The following AGFG1 variants were observed in gnomAD, a reference collection of about 807,000 sequenced individuals.
The protein encoded by AGFG1 is ArfGAP with FG repeats 1, also known as arf-GAP domain and FG repeat-containing protein 1.
A neutral mutation model predicts 60.6 loss-of-function variants in AGFG1; 10 were observed. The ratio of observed to expected loss-of-function variants is 0.16; its 90% CI spans 0.10 to 0.28. The LOEUF is 0.28. AGFG1 is among the 10% of genes least tolerant of loss of function. The pLI is 1.00. For missense variants in AGFG1, 537 were observed against 676.5 expected (o/e 0.79, Z 2.29); for synonymous variants, 247 against 242.9 (o/e 1.02, Z -0.16).
chr2:227,519,682 A>T (rs1445433398), intron 2 of AGFG1, among the ~76,000 whole-genome samples: 2 of 152,194 alleles, frequency 1.3e-5, no homozygotes, highest in Non-Finnish European at 2.9e-5. Flanking sequence ...GTTTATGATT[A>T]TGCCAAGACT....
chr2:227,478,965 TTAAAC>T lies in AGFG1; in HGVS notation c.167+6380_167+6384del, dbSNP rs552657858. On this transcript the variant is annotated intron_variant, in intron 1 of 12. Transcript: ENST00000310078. The stretch of plus-strand genomic sequence containing the variant: ...TGCCATTGTTTTACATGACATTCAC[TTAAAC>T]TATATACTTACCAAGTACTGTACCA... Among the ~76,000 whole-genome samples, 93 of 152,330 alleles carry T rather than the reference TTAAAC, an allele frequency of 6.1e-4. No homozygotes were observed. The South Asian group carries it at 0.019, about 31-fold the overall frequency.
At chr2:227,475,812 T>A (rs2106149218) in intron 1 of AGFG1, among the ~76,000 whole-genome samples, 1 of 152,326 alleles carries the variant, frequency 6.6e-6, no homozygotes, top group African/African-American at 2.4e-5. Context: ...TGTATTTACT[T>A]ATTGAGCACA....
rs540423565 is a variant in AGFG1, at chr2:227,546,034, C to A, written c.1379-5925C>A. 2.0e-5 allele frequency among the ~76,000 whole-genome samples: 3 copies of A among 152,172 alleles called. No individual in the cohort carries two copies. In the East Asian group the frequency reaches 5.8e-4, roughly 29 times the overall value. ...TCTCTACAAAGCTGTCAGACAGAGA[C>A]GTTTAAGTCTCCAGAAGTTTCTGCT... On this transcript the variant is annotated intron_variant, in intron 10 of 12. Coordinates refer to ENST00000310078, the MANE Select transcript of AGFG1 (RefSeq NM_004504.5).
At chr2:227,551,869 A>G in intron 10 of AGFG1, 90 bp from the exon 11 acceptor site, 1 of 1,450,090 alleles carries the variant, frequency 6.9e-7, no homozygotes, top group South Asian at 1.3e-5. Context: ...GTATTTTTCA[A>G]GGTAAATGAT....
At chr2:227,487,730 C>T (rs13401836) in intron 1 of AGFG1, among the ~76,000 whole-genome samples, 6,442 of 65,706 alleles carry the variant, frequency 0.098, 183 homozygotes, top group African/African-American at 0.18. Context: ...TTTTGGCACA[C>T]GGGTGGGTAG....
At chr2:227,485,495 C>G (rs1173630420) in intron 1 of AGFG1, among the ~76,000 whole-genome samples, 1 of 151,488 alleles carries the variant, frequency 6.6e-6, no homozygotes, top group Non-Finnish European at 1.5e-5. Flanking sequence ...CTCAGCCTCC[C>G]AAAGTACTGG....
chr2:227,488,388 C>G (rs1004722438), intron 1 of AGFG1, among the ~76,000 whole-genome samples: 13 of 152,200 alleles, frequency 8.5e-5, no homozygotes, highest in Non-Finnish European at 1.8e-4. Context: ...CCTCATTGAA[C>G]AGTTTGAGAA....
At position 227,551,975 on chromosome 2, in the gene AGFG1, T is replaced by A; in HGVS notation, c.1395T>A (p.Thr465=). ...TTCTGTCAGCGGCAACCTTTGGCAC[T>A]GCATCCATGAGCATGCCCACAGGAT... is the stretch of plus-strand genomic sequence containing the variant. ...ARGATAATFG[T]ASMSMPTGFG... Residue 465 remains threonine, a synonymous_variant, in exon 11 of 13, where the codon ACT becomes ACA. Transcript: ENST00000310078. The A allele has an allele frequency of 1.2e-6, 2 of 1,614,168 alleles. No individual in the cohort carries two copies. The highest frequency in any genetic ancestry group is 1.7e-6 in the Non-Finnish European group (2 of 1,180,006).
intron 5 of AGFG1, among the ~76,000 whole-genome samples, chr2:227,527,961 A>G (rs1692045455): frequency 6.6e-6 from 1 of 152,026 alleles, no homozygotes; most frequent in Non-Finnish European, 1.5e-5. Context: ...ACTTTGCCTT[A>G]TTTTACTTAC....
At chr2:227,544,153 T>C in intron 10 of AGFG1, among the ~76,000 whole-genome samples, 1 of 136,894 alleles carries the variant, frequency 7.3e-6, no homozygotes, top group Admixed American at 7.3e-5. Flanking sequence ...TGTCTTTTTT[T>C]TTTTTTTTTT....
chr2:227,518,838 A>G (rs1429690298), intron 2 of AGFG1, among the ~76,000 whole-genome samples: 3 of 152,094 alleles, frequency 2.0e-5, no homozygotes, highest in Non-Finnish European at 4.4e-5. Flanking sequence ...GGCTGCTGAT[A>G]TCTTTGGTGA....
chr2:227,495,537 T>TA (rs1422296976), intron 2 of AGFG1, among the ~76,000 whole-genome samples: 1 of 140,302 alleles, frequency 7.1e-6, no homozygotes, highest in Non-Finnish European at 1.5e-5. Context: ...CCAAGCGAGA[T>TA]ACTGTCTCAA....
At chr2:227,485,063 AT>A (rs958560435) in intron 1 of AGFG1, among the ~76,000 whole-genome samples, 1 of 151,924 alleles carries the variant, frequency 6.6e-6, no homozygotes, top group African/African-American at 2.4e-5. Context: ...TTTTGATCTT[AT>A]ACTTCAAACA....
intron 2 of AGFG1, among the ~76,000 whole-genome samples, chr2:227,507,546 T>C (rs1238781556): frequency 7.8e-6 from 1 of 127,968 alleles, no homozygotes; most frequent in Non-Finnish European, 1.5e-5. Flanking sequence ...GAGCTTGCAG[T>C]GAGCCGAGAT....
intron 2 of AGFG1, among the ~76,000 whole-genome samples, chr2:227,516,683 GC>G: frequency 6.6e-6 from 1 of 152,310 alleles, no homozygotes; most frequent in South Asian, 2.1e-4. Flanking sequence ...CGTTACGAGT[GC>G]CAAGATGGCA....
chr2:227,517,896 T>C (rs1207311876), intron 2 of AGFG1, among the ~76,000 whole-genome samples: 1 of 152,194 alleles, frequency 6.6e-6, no homozygotes, highest in African/African-American at 2.4e-5. Flanking sequence ...AAGTGTACAA[T>C]TTGATGAGTT....
intron 2 of AGFG1, among the ~76,000 whole-genome samples, chr2:227,491,961 G>T (rs1023336762): frequency 3.3e-5 from 5 of 152,126 alleles, no homozygotes; most frequent in Non-Finnish European, 7.3e-5. Context: ...AAGAGGAAGA[G>T]AATTCATTTT....
chr2:227,536,744 C>T (rs1425493887), intron 9 of AGFG1, 40 bp downstream of exon 9: 2 of 1,599,410 alleles, frequency 1.3e-6, no homozygotes, highest in Non-Finnish European at 8.6e-7. Context: ...TTACAAAGAA[C>T]CCAAATATAT....
chr2:227,491,781 A>G, intron 2 of AGFG1, 141 bp downstream of exon 2: 1 of 514,686 alleles, frequency 1.9e-6, no homozygotes, highest in Non-Finnish European at 3.4e-6. Context: ...ATATTTTAAA[A>G]TGTACTCATT....
Sources: allele counts gnomAD v4.1 joint callset (sites outside exome capture counted in the v4.1 genomes callset), GRCh38; gene constraint gnomAD v4.1.1; transcripts MANE v1.5; gene names NCBI Gene and HGNC (gene_info 2026-07-23, HGNC 2026-07-21).